The following VPS54 variants were observed in gnomAD, a reference collection of about 807,000 sequenced individuals.
The protein encoded by VPS54 is VPS54 subunit of GARP complex.
A neutral mutation model predicts 121.5 loss-of-function variants in VPS54; 45 were observed. The observed-to-expected ratio is 0.37, with a 90% CI of 0.29 to 0.47. The LOEUF is 0.47. Among genes scored for constraint, VPS54 ranks in the 20% least tolerant of loss-of-function variants. VPS54 has a pLI of 0.99. For synonymous variants in VPS54, 371 were observed against 385.8 expected (o/e 0.96, Z 0.45); for missense variants, 1,090 against 1,131.4 (o/e 0.96, Z 0.52).
At chr2:63,893,639 A>T (rs886084081) in intron 22 of VPS54, 104 bp from the exon 23 acceptor site, 1 of 986,714 alleles carries the variant, frequency 1.0e-6, no homozygotes, top group Non-Finnish European at 1.5e-6. Context: ...TAAAATTCAG[A>T]TTTCTTAGTG....
At chr2:63,997,248 A>G (rs1490861686) in intron 1 of VPS54, among the ~76,000 whole-genome samples, 2 of 152,028 alleles carry the variant, frequency 1.3e-5, no homozygotes, top group Non-Finnish European at 2.9e-5. Flanking sequence ...CCCTCCTCCT[A>G]TTTTTCAGAC....
intron 20 of VPS54, among the ~76,000 whole-genome samples, 177 bp downstream of exon 20, chr2:63,912,168 C>G (rs1464061156): frequency 4.6e-5 from 7 of 151,878 alleles, no homozygotes; most frequent in Admixed American, 3.9e-4. Context: ...TATGGGGGGT[C>G]TTGGTCACAG....
At chr2:63,967,995 TAAAG>T (rs1368109995) in intron 5 of VPS54, among the ~76,000 whole-genome samples, 1 of 148,684 alleles carries the variant, frequency 6.7e-6, no homozygotes, top group Non-Finnish European at 1.5e-5. Flanking sequence ...TTGGCTGAAG[TAAAG>T]AATGTGTAAA....
At chr2:64,013,385 C>A (rs79284842) in intron 1 of VPS54, among the ~76,000 whole-genome samples, 22,599 of 151,810 alleles carry the variant, frequency 0.15, 2,218 homozygotes, top group Middle Eastern at 0.24. Context: ...TAGGACTAGT[C>A]CAGATTGGGG....
chr2:63,962,704 C>T (rs560767394), intron 6 of VPS54, among the ~76,000 whole-genome samples: 12 of 152,216 alleles, frequency 7.9e-5, no homozygotes, highest in African/African-American at 2.9e-4. Flanking sequence ...ACCTTCCAAA[C>T]ACCAACTGCT....
At chr2:63,976,823 C>CTTTTTTTTTTT (rs1481086180) in intron 3 of VPS54, among the ~76,000 whole-genome samples, 1 of 68,038 alleles carries the variant, frequency 1.5e-5, no homozygotes, top group Non-Finnish European at 2.9e-5. Context: ...CTTATATCTT[C>CTTTTTTTTTTT]TCTTTTTTTT....
chr2:63,947,985 C>T (rs1472371566), intron 8 of VPS54, among the ~76,000 whole-genome samples: 1 of 152,062 alleles, frequency 6.6e-6, no homozygotes, highest in Non-Finnish European at 1.5e-5. Flanking sequence ...TAGAGGCATG[C>T]ACCACCACAC....
intron 7 of VPS54, among the ~76,000 whole-genome samples, chr2:63,960,661 G>C (rs1487202667): frequency 2.0e-5 from 3 of 152,136 alleles, no homozygotes; most frequent in Non-Finnish European, 4.4e-5. Context: ...TAAGTGATAA[G>C]TTAAAAACAC....
chr2:64,010,311 T>C (rs961878751), intron 1 of VPS54, among the ~76,000 whole-genome samples: 1 of 152,218 alleles, frequency 6.6e-6, no homozygotes, highest in African/African-American at 2.4e-5. Flanking sequence ...AACTGACTGC[T>C]GTTTTTTTAA....
intron 7 of VPS54, among the ~76,000 whole-genome samples, chr2:63,959,858 T>C (rs1182669179): frequency 6.6e-6 from 1 of 151,886 alleles, no homozygotes; most frequent in Admixed American, 6.6e-5. Flanking sequence ...CTGTCTCTAC[T>C]AAAAATACAA....
chr2:63,937,618 T>C (rs1674509474), intron 11 of VPS54, among the ~76,000 whole-genome samples: 1 of 152,148 alleles, frequency 6.6e-6, no homozygotes, highest in Non-Finnish European at 1.5e-5. Context: ...GATGACCGTA[T>C]GATCCAGAAA....
rs1676450361 is a variant in VPS54 at position 63,974,839 on chromosome 2, T to C, written c.379-2595A>G. The C allele has an allele frequency of 9.4e-6, 8 of 849,846 alleles. No individual in the cohort carries two copies. The South Asian group carries it at 2.1e-4, about 23-fold the overall frequency. The allele number at this position is 849,846 out of a possible 1,614,324, so 52.6% of individuals were successfully genotyped here. A position where few individuals can be genotyped will look rare whatever the true frequency, so the allele number is the denominator to read the frequency against. On this transcript the variant is annotated intron_variant, in intron 3 of 22. Coordinates refer to ENST00000272322, the MANE Select transcript of VPS54 (RefSeq NM_016516.3). ...GTTCCAGGAGTTTCTTTTTGGATTC[T>C]TTGGGATTTTCCACATAGACGATCA...
chr2:64,013,496 G>C (rs6743681), intron 1 of VPS54, among the ~76,000 whole-genome samples: 4,532 of 150,772 alleles, frequency 0.03, 234 homozygotes, highest in African/African-American at 0.11. Context: ...GGACAAATGG[G>C]AAGATTTAAG....
chr2:63,954,689 C>T (rs888120571), intron 7 of VPS54, among the ~76,000 whole-genome samples: 3 of 152,022 alleles, frequency 2.0e-5, no homozygotes, highest in African/African-American at 4.8e-5. Context: ...CTGAAATACA[C>T]ACCACTGTCT....
intron 7 of VPS54, among the ~76,000 whole-genome samples, chr2:63,957,061 G>A (rs1232556071): frequency 6.6e-6 from 1 of 152,196 alleles, no homozygotes; most frequent in South Asian, 2.1e-4. Context: ...AGTTAAATTA[G>A]TATATAAATG....
intron 1 of VPS54, among the ~76,000 whole-genome samples, chr2:63,986,963 G>T (rs549326505): frequency 3.9e-5 from 6 of 152,094 alleles, no homozygotes; most frequent in Non-Finnish European, 5.9e-5. Flanking sequence ...ATATATTCTT[G>T]TTATTAATCC....
At chr2:63,977,064 G>C (rs1429899759) in intron 3 of VPS54, among the ~76,000 whole-genome samples, 1 of 151,798 alleles carries the variant, frequency 6.6e-6, no homozygotes, top group South Asian at 2.1e-4. Flanking sequence ...CCTGGCCTCA[G>C]GTGATCCACC....
chr2:63,923,737 T>A (rs1421952557), intron 12 of VPS54, among the ~76,000 whole-genome samples: 1 of 152,264 alleles, frequency 6.6e-6, no homozygotes, highest in African/African-American at 2.4e-5. Context: ...TAGAAAAGTA[T>A]TTCCTATTCT....
chr2:63,937,263 A>AAT (rs1301240868), intron 11 of VPS54, among the ~76,000 whole-genome samples: 1 of 152,210 alleles, frequency 6.6e-6, no homozygotes, highest in Non-Finnish European at 1.5e-5. Flanking sequence ...ATAAAAGGTT[A>AAT]ATATCCAGAA....
Sources: gnomAD v4.1 joint callset for allele counts (sites outside exome capture counted in the v4.1 genomes callset) on GRCh38, gnomAD v4.1.1 for gene constraint, MANE v1.5 for transcripts, NCBI Gene and HGNC (gene_info 2026-07-23, HGNC 2026-07-21) for gene names.